Variants in NRP1 observed in about 807,000 individuals in gnomAD.
NRP1 encodes neuropilin-1.
Under a neutral mutation model 106.7 loss-of-function variants are expected in NRP1, and 35 were observed. The observed-to-expected ratio is 0.33, with a 90% CI of 0.25 to 0.43. The LOEUF is 0.43. NRP1 is among the 20% of genes least tolerant of loss of function. NRP1 has a pLI of 1.00. For synonymous variants in NRP1, 437 were observed against 417.9 expected (o/e 1.05, Z -0.56); for missense variants, 1,024 against 1,170.4 (o/e 0.87, Z 1.83).
intron 10 of NRP1, 88 bp from the exon 11 acceptor site, chr10:33,203,083 A>C: frequency 7.2e-7 from 1 of 1,381,176 alleles, no homozygotes; most frequent in Non-Finnish European, 9.8e-7. Context: ...GCTTATGCAG[A>C]AAACTTTAAT....
At chr10:33,190,678 G>T (rs1426782899) in intron 13 of NRP1, among the ~76,000 whole-genome samples, 1 of 152,126 alleles carries the variant, frequency 6.6e-6, no homozygotes, top group African/African-American at 2.4e-5. Context: ...CCCCCCTGGG[G>T]TACCTTTTGG....
chr10:33,261,972 G>A (rs1412949360), intron 4 of NRP1, among the ~76,000 whole-genome samples: 1 of 152,174 alleles, frequency 6.6e-6, no homozygotes, highest in Non-Finnish European at 1.5e-5. Flanking sequence ...ATGACCTCAG[G>A]TGATCCACCT....
chr10:33,180,145 A>C lies in NRP1; in HGVS notation c.2703T>G (p.Phe901Leu). The C allele has an allele frequency of 6.2e-7, 1 of 1,614,166 alleles. No individual in the cohort carries two copies. Among genetic ancestry groups the C allele is most frequent in the Non-Finnish European group, 8.5e-7 (1 of 1,180,038 alleles). ...RNLSALENYN[F>L]ELVDGVKLKK... Reference sequence around the variant, plus strand: ...TCAACTTCACACCATCCACAAGTTCAAAGTTATAGTTCTCCAGGGCAGACA... The same window carrying C: ...TCAACTTCACACCATCCACAAGTTCCAAGTTATAGTTCTCCAGGGCAGACA... The change falls in exon 17 of 17, where the codon TTT becomes TTG. Residue 901 changes from phenylalanine to leucine, a missense_variant. Transcript: ENST00000374867.
At chr10:33,237,483 G>A (rs988991529) in intron 6 of NRP1, among the ~76,000 whole-genome samples, 8 of 131,790 alleles carry the variant, frequency 6.1e-5, no homozygotes, top group South Asian at 2.3e-4. Flanking sequence ...ACACACATGC[G>A]CGCGCACACA....
At chr10:33,314,193 C>G (rs1200393928) in intron 2 of NRP1, among the ~76,000 whole-genome samples, 4 of 151,808 alleles carry the variant, frequency 2.6e-5, no homozygotes, top group Admixed American at 6.6e-5. Context: ...TTACCGTGAT[C>G]CTTCCTCCAC....
Position 33,221,872 on chromosome 10 carries a change from G to C in NRP1, c.1138-9C>G. The C allele has an allele frequency of 6.3e-7, 1 of 1,595,494 alleles. No individual in the cohort carries two copies. The highest frequency in any genetic ancestry group is 8.6e-7 in the Non-Finnish European group (1 of 1,165,300). The stretch of plus-strand genomic sequence containing the variant: ...GTGTTTCCCTGAAAGAGCTGTATGG[G>C]GAAAAAAAGTGCCTTTCTTTAGCAG... On this transcript the variant is annotated splice_polypyrimidine_tract_variant and intron_variant, in intron 7 of 16. Coordinates refer to ENST00000374867, the MANE Select transcript of NRP1 (RefSeq NM_003873.7).
At chr10:33,256,688 C>A (rs1339430713) in intron 4 of NRP1, among the ~76,000 whole-genome samples, 1 of 152,198 alleles carries the variant, frequency 6.6e-6, no homozygotes. Flanking sequence ...CAGGCATAAC[C>A]GCATTCCCCA....
intron 2 of NRP1, among the ~76,000 whole-genome samples, chr10:33,278,401 G>A (rs1158698988): frequency 6.6e-6 from 1 of 152,132 alleles, no homozygotes; most frequent in African/African-American, 2.4e-5. Flanking sequence ...GAGCTGGGAA[G>A]AACGTGGTGC....
intron 2 of NRP1, among the ~76,000 whole-genome samples, chr10:33,279,990 T>A (rs1226274699): frequency 6.6e-6 from 1 of 152,194 alleles, no homozygotes; most frequent in African/African-American, 2.4e-5. Context: ...ACTCTCCTGA[T>A]TGAAGCAAAA....
intron 6 of NRP1, among the ~76,000 whole-genome samples, chr10:33,251,292 A>T (rs564917470): frequency 3.3e-5 from 5 of 152,106 alleles, no homozygotes; most frequent in Non-Finnish European, 5.9e-5. Flanking sequence ...CTCTGCCATG[A>T]TTCTAAGTTT....
rs1222291279 is a variant in NRP1, at chr10:33,207,829, A to C, written c.1615-113T>G. On this transcript the variant is annotated intron_variant, in intron 9 of 16. Transcript: ENST00000374867. ...TGAATAAGGCAGAGAAATTGGCTTC[A>C]TTCTACCACTTTGTGGTACATCTCT... is the stretch of plus-strand genomic sequence containing the variant. 2.8e-6 allele frequency: 3 copies of C among 1,080,834 alleles called. No individual in the cohort carries two copies. The African/African-American group carries it at 4.8e-5, about 17-fold the overall frequency. The allele number at this position is 1,080,834 out of a possible 1,614,324, so 67.0% of individuals were successfully genotyped here. A position where few individuals can be genotyped will look rare whatever the true frequency, so the allele number is the denominator to read the frequency against.
At position 33,254,014 on chromosome 10, in the gene NRP1, CT is replaced by C; in HGVS notation, c.981+13del. 3 of 1,595,088 alleles carry C rather than the reference CT, an allele frequency of 1.9e-6. No individual in the cohort carries two copies. The highest frequency in any genetic ancestry group is 1.7e-6 in the Non-Finnish European group (2 of 1,174,196). On this transcript the variant is annotated intron_variant, in intron 6 of 16. Transcript: ENST00000374867. ...TTATTCAATCCTAGATAGGCTTGAT[CT>C]TATGCTGCATACCTGTATCCACTCT...
At chr10:33,295,104 A>G (rs765538908) in intron 2 of NRP1, among the ~76,000 whole-genome samples, 1 of 152,214 alleles carries the variant, frequency 6.6e-6, no homozygotes, top group African/African-American at 2.4e-5. Flanking sequence ...CAGGTACCAT[A>G]TAAGGAGTAC....
intron 2 of NRP1, 35 bp downstream of exon 2, chr10:33,330,673 G>C: frequency 6.4e-7 from 1 of 1,573,020 alleles, no homozygotes; most frequent in Non-Finnish European, 8.7e-7. Context: ...ACTAGATGGT[G>C]CTGTGGTGCC....
At chr10:33,236,222 T>C (rs1840540784) in intron 6 of NRP1, among the ~76,000 whole-genome samples, 1 of 152,234 alleles carries the variant, frequency 6.6e-6, no homozygotes, top group Admixed American at 6.5e-5. Context: ...AGAAATTGCC[T>C]AACTGAAATT....
chr10:33,232,642 T>A (rs1199177854), intron 6 of NRP1, among the ~76,000 whole-genome samples: 1 of 138,166 alleles, frequency 7.2e-6, no homozygotes, highest in Admixed American at 7.2e-5. Context: ...CTTTTCCTTT[T>A]TTTTTTTTTT....
chr10:33,274,691 A>C (rs1843557123), intron 2 of NRP1, among the ~76,000 whole-genome samples: 1 of 152,124 alleles, frequency 6.6e-6, no homozygotes, highest in African/African-American at 2.4e-5. Context: ...ACTGTGAGCT[A>C]CTGCACCAAC....
At chr10:33,319,561 C>CTT (rs1231412598) in intron 2 of NRP1, among the ~76,000 whole-genome samples, 1 of 142,652 alleles carries the variant, frequency 7.0e-6, no homozygotes, top group Non-Finnish European at 1.5e-5. Flanking sequence ...GTGGTGCCAT[C>CTT]TTTTTTTTTT....
chr10:33,255,601 T>A (rs1842143339), intron 5 of NRP1, among the ~76,000 whole-genome samples: 1 of 151,966 alleles, frequency 6.6e-6, no homozygotes, highest in African/African-American at 2.4e-5. Context: ...ACAGGCACAA[T>A]CCCCCATGCC....
Sources: allele counts gnomAD v4.1 joint callset (sites outside exome capture counted in the v4.1 genomes callset), GRCh38; gene constraint gnomAD v4.1.1; transcripts MANE v1.5; gene names NCBI Gene and HGNC (gene_info 2026-07-23, HGNC 2026-07-21).